The following MEI4 variants were observed in gnomAD, a reference collection of about 807,000 sequenced individuals.
The protein encoded by MEI4 is meiotic double-stranded break formation protein 4.
In MEI4, 27 loss-of-function variants were observed where a neutral mutation model predicts 31.4. The ratio of observed to expected loss-of-function variants is 0.86; its 90% confidence interval spans 0.63 to 1.19. The LOEUF (loss-of-function observed/expected upper bound fraction) is 1.19, where lower values mean the gene tolerates loss of function less well. Ranked by LOEUF, MEI4 falls within the 50% of genes most tolerant of loss-of-function variation. The probability of loss-of-function intolerance (pLI) is 0.00; values close to 1 mark genes in which losing one functional copy is unlikely to be tolerated. For synonymous variants in MEI4, 122 were observed against 145.4 expected, an observed-to-expected ratio of 0.84 and a Z score of 1.16; for missense variants, 329 against 398.9, an observed-to-expected ratio of 0.82 and a Z score of 1.49.
At chr6:77,740,244 T>A (rs1305965779) in intron 2 of MEI4, among the ~76,000 whole-genome samples, 2 of 152,234 alleles carry the variant, frequency 1.3e-5, no homozygotes, top group African/African-American at 4.8e-5. Flanking sequence ...TTAGAGTATG[T>A]GCCATGTGGT....
chr6:77,896,266 C>A (rs575629474), intron 4 of MEI4, among the ~76,000 whole-genome samples: 1 of 152,192 alleles, frequency 6.6e-6, no homozygotes, highest in South Asian at 2.1e-4. Context: ...CCATATCCAC[C>A]AGTCTGCTCA....
intron 4 of MEI4, among the ~76,000 whole-genome samples, chr6:77,905,169 G>A (rs188174293): frequency 1.4e-3 from 217 of 150,120 alleles, no homozygotes; most frequent in Middle Eastern, 6.8e-3. Flanking sequence ...AATTAGTCTC[G>A]GTTGGCAGTT....
At chr6:77,802,914 T>A (rs1270715008) in intron 3 of MEI4, among the ~76,000 whole-genome samples, 2 of 152,188 alleles carry the variant, frequency 1.3e-5, no homozygotes, top group African/African-American at 4.8e-5. Context: ...ATTTTTTCCT[T>A]CATTTCAACT....
chr6:77,728,868 G>A (rs1766896662), intron 2 of MEI4, among the ~76,000 whole-genome samples: 1 of 152,168 alleles, frequency 6.6e-6, no homozygotes, highest in Non-Finnish European at 1.5e-5. Flanking sequence ...GGAATTCTTT[G>A]GTGAACTTTA....
intron 4 of MEI4, among the ~76,000 whole-genome samples, chr6:77,897,822 C>T (rs887448908): frequency 6.6e-6 from 1 of 151,884 alleles, no homozygotes; most frequent in Non-Finnish European, 1.5e-5. Context: ...CCCCTCACTC[C>T]CTTTGTACCC....
intron 4 of MEI4, among the ~76,000 whole-genome samples, chr6:77,884,130 A>G (rs769599644): frequency 3.7e-4 from 57 of 152,020 alleles, no homozygotes; most frequent in Admixed American, 8.5e-4. Flanking sequence ...ATTTTTCCTT[A>G]TACCTATTGC....
chr6:77,918,698 A>G (rs1360568854), intron 4 of MEI4, among the ~76,000 whole-genome samples: 3 of 152,054 alleles, frequency 2.0e-5, no homozygotes, highest in Admixed American at 6.6e-5. Context: ...CAGATATACA[A>G]TCATGTCATC....
chr6:77,682,439 T>C (rs1398169804), intron 1 of MEI4, among the ~76,000 whole-genome samples: 1 of 152,248 alleles, frequency 6.6e-6, no homozygotes, highest in Non-Finnish European at 1.5e-5. Context: ...AAGGTTATAC[T>C]GTAGAAGGGC....
chr6:77,852,700 G>A (rs1770657095), intron 4 of MEI4, among the ~76,000 whole-genome samples: 1 of 151,540 alleles, frequency 6.6e-6, no homozygotes, highest in Non-Finnish European at 1.5e-5. Flanking sequence ...GTGGTGGAAG[G>A]GAGAATGAGT....
At chr6:77,656,206 A>C (rs535813777) in intron 1 of MEI4, among the ~76,000 whole-genome samples, 2 of 152,140 alleles carry the variant, frequency 1.3e-5, no homozygotes, top group East Asian at 3.8e-4. Flanking sequence ...AGTAATTTTG[A>C]TTGTTGGAGA....
At chr6:77,732,873 C>A (rs1767051875) in intron 2 of MEI4, among the ~76,000 whole-genome samples, 1 of 151,714 alleles carries the variant, frequency 6.6e-6, no homozygotes, top group Admixed American at 6.6e-5. Flanking sequence ...TTTTGTGCAT[C>A]TATTGAGATA....
chr6:77,748,442 C>T (rs929600571), intron 2 of MEI4, among the ~76,000 whole-genome samples: 1 of 152,218 alleles, frequency 6.6e-6, no homozygotes, highest in Non-Finnish European at 1.5e-5. Flanking sequence ...ACTGTGGCCC[C>T]TTTCAGCTAC....
At chr6:77,916,561 A>G (rs1332732708) in intron 4 of MEI4, among the ~76,000 whole-genome samples, 1 of 151,884 alleles carries the variant, frequency 6.6e-6, no homozygotes, top group Non-Finnish European at 1.5e-5. Flanking sequence ...ATTGTTTCTT[A>G]TTTCCTCCAT....
chr6:77,834,359 T>G (rs920929705), intron 4 of MEI4, among the ~76,000 whole-genome samples: 1 of 146,594 alleles, frequency 6.8e-6, no homozygotes, highest in Non-Finnish European at 1.5e-5. Context: ...TTGACTGGTT[T>G]CTAGTTCATT....
At chr6:77,885,513 T>A (rs1771597273) in intron 4 of MEI4, among the ~76,000 whole-genome samples, 1 of 152,088 alleles carries the variant, frequency 6.6e-6, no homozygotes, top group African/African-American at 2.4e-5. Flanking sequence ...TTTTGTACAT[T>A]GATTTGTATC....
intron 4 of MEI4, among the ~76,000 whole-genome samples, chr6:77,914,971 A>G (rs1766509783): frequency 6.6e-6 from 1 of 151,972 alleles, no homozygotes; most frequent in Non-Finnish European, 1.5e-5. Flanking sequence ...GTTTCTTGTA[A>G]GCAGCATATA....
intron 3 of MEI4, among the ~76,000 whole-genome samples, chr6:77,811,170 G>T (rs7744518): frequency 0.14 from 20,944 of 152,112 alleles, 1,533 homozygotes; most frequent in Middle Eastern, 0.21. Flanking sequence ...TTGGCATGTA[G>T]TTAACAAGCA....
upstream of MEI4, among the ~76,000 whole-genome samples, chr6:77,650,694 C>T (rs1383996380): frequency 6.6e-6 from 1 of 152,182 alleles, no homozygotes; most frequent in Non-Finnish European, 1.5e-5. Flanking sequence ...GACCTGAGCT[C>T]GCAATATTTT....
chr6:77,738,505 G>T (rs1232679017), intron 2 of MEI4, among the ~76,000 whole-genome samples: 1 of 152,086 alleles, frequency 6.6e-6, no homozygotes, highest in African/African-American at 2.4e-5. Flanking sequence ...AGGGGCATTT[G>T]GGTTGGTTCC....
Sources: gnomAD v4.1 joint callset for allele counts (sites outside exome capture counted in the v4.1 genomes callset) on GRCh38, gnomAD v4.1.1 for gene constraint, MANE v1.5 for transcripts, NCBI Gene and HGNC (gene_info 2026-07-23, HGNC 2026-07-21) for gene names.